Variants in BTN2A1 observed in about 807,000 individuals in gnomAD.
The protein encoded by BTN2A1 is butyrophilin, subfamily 2, member A1.
BTN2A1 carries 41 observed loss-of-function variants against 34.5 expected under a neutral mutation model. The ratio of observed to expected loss-of-function variants is 1.19; its 90% CI spans 0.93 to 1.54. BTN2A1 has a LOEUF of 1.54. BTN2A1 is among the 40% of genes most tolerant of loss of function. The pLI, the probability that BTN2A1 is intolerant of heterozygous loss-of-function variation, is 0.00. For synonymous variants in BTN2A1, 267 were observed against 258.6 expected, an observed-to-expected ratio of 1.03 and a Z score of -0.31; for missense variants, 642 against 662.0, an observed-to-expected ratio of 0.97 and a Z score of 0.33.
chr6:26,466,152 C>T (rs1763309480), intron 7 of BTN2A1, 64 bp downstream of exon 7: 3 of 1,611,870 alleles, frequency 1.9e-6, no homozygotes, highest in Non-Finnish European at 1.7e-6. Context: ...AACAGGACTC[C>T]TTAGAGGAGA....
chr6:26,470,065 A>G (rs917191746), downstream of BTN2A1, among the ~76,000 whole-genome samples: 1 of 152,066 alleles, frequency 6.6e-6, no homozygotes, highest in African/African-American at 2.4e-5. Flanking sequence ...ACCAAAACAC[A>G]GGTCGGGCAC....
At chr6:26,466,150 T>C (rs1763309334) in intron 7 of BTN2A1, 62 bp downstream of exon 7, 2 of 1,612,104 alleles carry the variant, frequency 1.2e-6, no homozygotes, top group African/African-American at 1.3e-5. Flanking sequence ...CTAACAGGAC[T>C]CCTTAGAGGA....
At chr6:26,464,842 C>T (rs566495090) in intron 4 of BTN2A1, among the ~76,000 whole-genome samples, 4 of 152,288 alleles carry the variant, frequency 2.6e-5, no homozygotes, top group South Asian at 4.1e-4. Context: ...AAATAGACTA[C>T]AGAAGGTAAG....
intron 7 of BTN2A1, 192 bp from the exon 8 acceptor site, chr6:26,467,756 T>C (rs1177372909): frequency 1.3e-6 from 2 of 1,584,820 alleles, no homozygotes; most frequent in Non-Finnish European, 8.6e-7. Flanking sequence ...ACTGCTTCTG[T>C]CTCTGGAGAG....
At chr6:26,469,659 A>T (rs550446338), downstream of BTN2A1, 1 of 152,376 alleles carries the variant, frequency 6.6e-6, no homozygotes, top group Admixed American at 6.5e-5. Context: ...CTTTTTCCAG[A>T]TCTAATGTGT....
chr6:26,467,527 G>T (rs1763347313), intron 7 of BTN2A1, among the ~76,000 whole-genome samples: 1 of 152,104 alleles, frequency 6.6e-6, no homozygotes, highest in South Asian at 2.1e-4. Flanking sequence ...GTCCAGGCTG[G>T]TCTCGAACTC....
chr6:26,474,621 G>A (rs187709720), downstream of BTN2A1, among the ~76,000 whole-genome samples: 6 of 152,084 alleles, frequency 3.9e-5, no homozygotes, highest in African/African-American at 1.4e-4. Flanking sequence ...AAAGGGGTGA[G>A]GATGGAGAGG....
chr6:26,474,372 T>C (rs1581681178), downstream of BTN2A1, among the ~76,000 whole-genome samples: 1 of 152,382 alleles, frequency 6.6e-6, no homozygotes, highest in Non-Finnish European at 1.5e-5. Flanking sequence ...TGAACCTCTC[T>C]GATGGCTGCC....
chr6:26,460,801 T>A (rs1763145507), intron 3 of BTN2A1, among the ~76,000 whole-genome samples: 1 of 152,028 alleles, frequency 6.6e-6, no homozygotes, highest in South Asian at 2.1e-4. Context: ...TCTGAGCTTC[T>A]TGGGAGGCTG....
rs753111713 is a variant in BTN2A1, at chr6:26,468,714, C to G, written c.*165C>G. Reference sequence around the variant, plus strand: ...CACTACAGACCTCAGCCCCAGTTTTCTCCTCCTCACTAGGCTGTGTTTTTA... The same window carrying G: ...CACTACAGACCTCAGCCCCAGTTTTGTCCTCCTCACTAGGCTGTGTTTTTA... On this transcript the variant is annotated 3_prime_UTR_variant, in exon 8 of 8. Transcript: ENST00000312541. 33 of 1,612,834 alleles carry G rather than the reference C, an allele frequency of 2.0e-5. No individual in the cohort carries two copies. In the Admixed American group the frequency reaches 4.8e-4, roughly 24 times the overall value.
At chr6:26,464,257 C>G (rs1329691370) in intron 4 of BTN2A1, among the ~76,000 whole-genome samples, 2 of 152,308 alleles carry the variant, frequency 1.3e-5, no homozygotes, top group East Asian at 3.9e-4. Context: ...TAGACACACA[C>G]TCACAATTCA....
Position 26,468,944 on chromosome 6 carries a change from T to A in BTN2A1, c.*395T>A. Reference sequence around the variant, plus strand: ...GAGGCCTACAGGGTTCACCAGGATGTAAGAGGAGAGAGGAATCCACAGGAC... The same window carrying A: ...GAGGCCTACAGGGTTCACCAGGATGAAAGAGGAGAGAGGAATCCACAGGAC... On this transcript the variant is annotated 3_prime_UTR_variant, in exon 8 of 8. Coordinates refer to ENST00000312541, the MANE Select transcript of BTN2A1 (RefSeq NM_007049.5). The A allele has an allele frequency of 3.3e-6, 4 of 1,223,702 alleles. No homozygotes were observed. The highest frequency in any genetic ancestry group is 4.2e-6 in the Non-Finnish European group (4 of 963,670). 75.8% of individuals were successfully genotyped at this position (1,223,702 alleles called of 1,614,324 possible).
downstream of BTN2A1, among the ~76,000 whole-genome samples, chr6:26,473,879 C>T (rs1470294776): frequency 6.6e-6 from 1 of 152,188 alleles, no homozygotes; most frequent in Non-Finnish European, 1.5e-5. Flanking sequence ...TTTCAGTTTT[C>T]ATTCTAACCG....
intron 7 of BTN2A1, among the ~76,000 whole-genome samples, chr6:26,466,857 T>G (rs1313295494): frequency 6.6e-6 from 1 of 152,082 alleles, no homozygotes; most frequent in African/African-American, 2.4e-5. Context: ...TTTAACACAA[T>G]AGAAAAGTAG....
chr6:26,463,774 TG>T (rs1763238454), intron 4 of BTN2A1, among the ~76,000 whole-genome samples: 3 of 151,306 alleles, frequency 2.0e-5, no homozygotes, highest in African/African-American at 7.3e-5. Flanking sequence ...TTGTTGTTGT[TG>T]TTTTTCCCCC....
chr6:26,465,937 T>C lies in BTN2A1; in HGVS notation c.935-16T>C, dbSNP rs1251533716. 2 of 1,608,072 alleles carry C rather than the reference T, an allele frequency of 1.2e-6. No individual in the cohort carries two copies. Among genetic ancestry groups the C allele is most frequent in the African/African-American group, 2.8e-5 (2 of 72,460 alleles). Reference sequence around the variant, plus strand: ...TTCTTCTGTCAAAGACATGATTTTCTTTGTTTGTTTTTCAGAGAAACTTCA... The same window carrying C: ...TTCTTCTGTCAAAGACATGATTTTCCTTGTTTGTTTTTCAGAGAAACTTCA... On this transcript the variant is annotated splice_polypyrimidine_tract_variant and intron_variant, in intron 5 of 7. Transcript: ENST00000312541.
chr6:26,470,380 A>ACC (rs11394562), downstream of BTN2A1, among the ~76,000 whole-genome samples: 50 of 141,702 alleles, frequency 3.5e-4, no homozygotes, highest in Admixed American at 6.5e-4. Flanking sequence ...TATGTCAGAG[A>ACC]CCCCCCCCAC....
chr6:26,472,801 G>A (rs1036004721), downstream of BTN2A1, among the ~76,000 whole-genome samples: 4 of 152,112 alleles, frequency 2.6e-5, no homozygotes, highest in Non-Finnish European at 5.9e-5. Context: ...TTTATCAAGC[G>A]ACTGAACAGC....
Position 26,459,606 on chromosome 6 carries a change from C to T in BTN2A1, c.208C>T (p.Gln70Ter), listed in dbSNP as rs1253674408. 6.2e-7 allele frequency: 1 copy of T among 1,614,082 alleles called. No individual in the cohort carries two copies. Among genetic ancestry groups the T allele is most frequent in the East Asian group, 2.2e-5 (1 of 44,868 alleles). Residue 70 changes from glutamine (Q) to a stop codon, truncating the protein, a stop_gained, in exon 3 of 8, where the codon CAG becomes TAG. Coordinates refer to ENST00000312541, the MANE Select transcript of BTN2A1 (RefSeq NM_007049.5). LOFTEE classifies it high-confidence loss of function. ...CATGGAGGTGCGGTGGTTCCGGTCTCAGTTCTCCCCCGCAGTGTTTGTGTA... is the reference window on the plus strand; with the variant it reads ...CATGGAGGTGCGGTGGTTCCGGTCTTAGTTCTCCCCCGCAGTGTTTGTGTA... ...EDMEVRWFRS[Q>*]FSPAVFVYKG... is the part of the protein sequence containing the mutation.
Sources: allele counts gnomAD v4.1 joint callset (sites outside exome capture counted in the v4.1 genomes callset), GRCh38; gene constraint gnomAD v4.1.1; transcripts MANE v1.5; gene names NCBI Gene and HGNC (gene_info 2026-07-23, HGNC 2026-07-21).